ABCC10: variants seen among roughly 807,000 people sequenced by gnomAD.
ABCC10 encodes the protein ATP binding cassette subfamily C member 10.
A neutral mutation model predicts 143.2 loss-of-function variants in ABCC10; 110 were observed. The ratio of observed to expected loss-of-function variants is 0.77; its 90% CI spans 0.66 to 0.90. ABCC10 has a LOEUF of 0.90. Ranked by LOEUF, ABCC10 falls within the 40% of genes least tolerant of loss-of-function variation. The probability of loss-of-function intolerance (pLI) is 0.00; values close to 1 mark genes in which losing one functional copy is unlikely to be tolerated. For missense variants in ABCC10, 1,700 were observed against 1,900.5 expected (o/e 0.89, Z 1.96); for synonymous variants, 805 against 846.7 (o/e 0.95, Z 0.85).
chr6:43,446,152 CTGTG>C, intron 15 of ABCC10, 121 bp from the exon 16 acceptor site: 1 of 1,261,376 alleles, frequency 7.9e-7, no homozygotes, highest in Non-Finnish European at 1.1e-6. Context: ...TGAGGGAGGC[CTGTG>C]GGTATACAGA....
chr6:43,434,786 G>T lies in ABCC10; in HGVS notation c.1546G>T (p.Val516Phe), dbSNP rs780495030. 1.9e-6 allele frequency: 3 copies of T among 1,614,060 alleles called. No individual in the cohort carries two copies. The highest frequency in any genetic ancestry group is 2.5e-6 in the Non-Finnish European group (3 of 1,180,044). The change falls in exon 4 of 22, where the codon GTC becomes TTC. Residue 516 changes from valine to phenylalanine, a missense_variant. Val to Phe is a conservative substitution (Grantham distance 50, BLOSUM62 -1). Transcript: ENST00000372530. ...CVYLWAALPVVISIVIFITYV... is the reference protein window; with the variant it reads ...CVYLWAALPVFISIVIFITYV... ...ATACCTGTGGGCTGCCCTACCGGTT[G>T]TCATCTCCATCGTTATCTTCATCAC...
intron 17 of ABCC10, 112 bp downstream of exon 17, chr6:43,447,520 CTT>C: frequency 6.4e-7 from 1 of 1,554,218 alleles, no homozygotes; most frequent in East Asian, 2.2e-5. Flanking sequence ...CATAACCTCT[CTT>C]CATGATGACC....
At chr6:43,446,827 C>T in intron 16 of ABCC10, 3 of 1,135,670 alleles carry the variant, frequency 2.6e-6, no homozygotes, top group Non-Finnish European at 3.2e-6. Context: ...CTATCACCCT[C>T]CTGCTTCTCT....
At chr6:43,428,914 G>A (rs566798364) in intron 2 of ABCC10, among the ~76,000 whole-genome samples, 15 of 152,300 alleles carry the variant, frequency 9.8e-5, no homozygotes, top group African/African-American at 3.6e-4. Context: ...GGCTGTCTAT[G>A]CTAGGTGATT....
intron 15 of ABCC10, among the ~76,000 whole-genome samples, 154 bp from the exon 16 acceptor site, chr6:43,446,123 A>G (rs1197129080): frequency 3.3e-5 from 5 of 152,132 alleles, no homozygotes; most frequent in Admixed American, 1.3e-4. Flanking sequence ...TTGAAAGAGC[A>G]CACTGGCATC....
chr6:43,443,724 T>G lies in ABCC10; in HGVS notation c.2417-209T>G. ...GAATCAAGGTTTACAAGGATGGACT[T>G]GAGTCCTGCTCGAGGTCTAGGGGTA... On this transcript the variant is annotated intron_variant, in intron 10 of 21. Coordinates refer to ENST00000372530, the MANE Select transcript of ABCC10 (RefSeq NM_001198934.2). This position sits in a 1 kb window ranked among gnomAD's most constrained non-coding sequence, Gnocchi z 4.2. 1.8e-6 allele frequency: 1 copy of G among 553,704 alleles called. No individual in the cohort carries two copies. 34.3% of individuals were successfully genotyped at this position (553,704 alleles called of 1,614,324 possible). A position where few individuals can be genotyped will look rare whatever the true frequency, so the allele number is the denominator to read the frequency against.
intron 6 of ABCC10, 142 bp downstream of exon 6, chr6:43,436,389 C>A: frequency 9.5e-7 from 1 of 1,050,322 alleles, no homozygotes; most frequent in Non-Finnish European, 1.4e-6. Context: ...ATTTGGTGAG[C>A]AGGTTCTAAT....
intron 5 of ABCC10, 62 bp downstream of exon 5, chr6:43,435,969 G>A: frequency 6.2e-7 from 1 of 1,608,508 alleles, no homozygotes; most frequent in Admixed American, 1.7e-5. Context: ...AGCCACTTGG[G>A]TGCTGCGCAT....
chr6:43,447,536 A>T, intron 17 of ABCC10, 128 bp downstream of exon 17: 1 of 1,551,232 alleles, frequency 6.4e-7, no homozygotes, highest in African/African-American at 1.4e-5. Context: ...GATGACCACA[A>T]TTCTTCACCA....
In ABCC10 at chr6:43,446,395, G is replaced by A. The variant is rs151166248; in HGVS notation, c.3493G>A (p.Ala1165Thr). 1.5e-4 allele frequency: 247 copies of A among 1,612,808 alleles called. No homozygotes were observed. The highest frequency in any genetic ancestry group is 2.0e-4 in the Non-Finnish European group (234 of 1,179,898). Residue 1165 changes from alanine (A) to threonine (T), a missense_variant, in exon 16 of 22, where the codon GCT (alanine) becomes ACT (threonine). Coordinates refer to ENST00000372530, the MANE Select transcript of ABCC10 (RefSeq NM_001198934.2). ...LQLMGAAVVSAIAGIALVQHQ... is the reference protein window; with the variant it reads ...LQLMGAAVVSTIAGIALVQHQ... ...GCTCATGGGGGCGGCAGTGGTCAGC[G>A]CTATCGCAGGCATCGCTCTGGTGCA...
At chr6:43,444,393 G>A (rs1489046167) in intron 12 of ABCC10, 40 bp downstream of exon 12, 2 of 1,554,470 alleles carry the variant, frequency 1.3e-6, no homozygotes, top group East Asian at 2.2e-5. Flanking sequence ...CGTAACGGCT[G>A]TGCTGTCTAG....
At chr6:43,439,927 C>T (rs1203479141) in intron 8 of ABCC10, among the ~76,000 whole-genome samples, 3 of 151,206 alleles carry the variant, frequency 2.0e-5, no homozygotes, top group African/African-American at 7.3e-5. Context: ...ATATCTTGGG[C>T]AGATTTTATG....
intron 2 of ABCC10, among the ~76,000 whole-genome samples, chr6:43,429,010 G>A (rs1459570412): frequency 1.3e-5 from 2 of 152,214 alleles, no homozygotes; most frequent in South Asian, 2.1e-4. Context: ...TCCTATCCAA[G>A]GAAGGGATTC....
Position 43,438,721 on chromosome 6 carries a change from C to T in ABCC10, c.2053C>T (p.Leu685Phe). ...GTTTGCCACCATCCGAGACAACATC[C>T]TCTTTGGGAAGACATTTGATGCACA... ...IQFATIRDNI[L>F]FGKTFDAQLY... is the part of the protein sequence containing the mutation. The change falls in exon 8 of 22, where the codon CTC becomes TTC. Residue 685 changes from leucine to phenylalanine, a missense_variant. Physicochemically the swap from Leu to Phe is conservative, Grantham distance 22 (BLOSUM62 0). Coordinates refer to ENST00000372530, the MANE Select transcript of ABCC10 (RefSeq NM_001198934.2). The T allele has an allele frequency of 6.2e-7, 1 of 1,614,262 alleles. No homozygotes were observed. The highest frequency in any genetic ancestry group is 8.5e-7 in the Non-Finnish European group (1 of 1,180,044).
intron 2 of ABCC10, chr6:43,431,915 G>T: frequency 7.2e-7 from 1 of 1,384,480 alleles, no homozygotes; most frequent in Non-Finnish European, 9.3e-7. Context: ...AATGAGTTAG[G>T]TTCAGGTGGC....
At chr6:43,434,482 A>C (rs539392628) in intron 3 of ABCC10, 139 bp from the exon 4 acceptor site, 2 of 791,848 alleles carry the variant, frequency 2.5e-6, no homozygotes, top group East Asian at 4.9e-5. Context: ...GTGAGGAAGA[A>C]AACCAAGACT....
At chr6:43,442,542 G>T (rs1782583218) in intron 9 of ABCC10, among the ~76,000 whole-genome samples, 1 of 152,106 alleles carries the variant, frequency 6.6e-6, no homozygotes. Context: ...TTGCACTCCA[G>T]CCTGGGTGAT....
Position 43,433,036 on chromosome 6 carries a change from A to G in ABCC10, c.1056A>G (p.Thr352=), listed in dbSNP as rs1258541547. The change falls in exon 3 of 22, where the codon ACA becomes ACG. Residue 352 remains threonine, a synonymous_variant. Transcript: ENST00000372530. ...ATGGGTATGAGGTATATAAGGTAACACTTCAGGCACGGGGGGCTGTGCTGA... is the reference window on the plus strand; with the variant it reads ...ATGGGTATGAGGTATATAAGGTAACGCTTCAGGCACGGGGGGCTGTGCTGA... ...NQYGYEVYKV[T]LQARGAVLNI... is the part of the protein sequence containing the mutation. The G allele has an allele frequency of 6.2e-7, 1 of 1,613,964 alleles. No homozygotes were observed. Among genetic ancestry groups the G allele is most frequent in the Admixed American group, 1.7e-5 (1 of 59,988 alleles).
At chr6:43,447,569 A>C (rs920066938) in intron 17 of ABCC10, 115 bp from the exon 18 acceptor site, 2 of 1,557,018 alleles carry the variant, frequency 1.3e-6, no homozygotes, top group African/African-American at 2.7e-5. Flanking sequence ...CCCATCTCTC[A>C]TTCTCTCATT....
Sources: gnomAD v4.1 joint callset for allele counts (sites outside exome capture counted in the v4.1 genomes callset) on GRCh38, gnomAD v4.1.1 for gene constraint, Gnocchi (gnomAD v3.1) non-coding constraint, MANE v1.5 for transcripts, NCBI Gene and HGNC (gene_info 2026-07-23, HGNC 2026-07-21) for gene names.